ZNF334: variants seen among roughly 807,000 people sequenced by gnomAD.
ZNF334 encodes the protein zinc finger protein 334.
Under a neutral mutation model 12.4 loss-of-function variants are expected in ZNF334, and 14 were observed. The observed-to-expected ratio is 1.13, with a 90% CI of 0.74 to 1.76. The LOEUF (loss-of-function observed/expected upper bound fraction) is 1.76, where lower values mean the gene tolerates loss of function less well. Ranked by LOEUF, ZNF334 falls within the 40% of genes most tolerant of loss-of-function variation. The pLI, the probability that ZNF334 is intolerant of heterozygous loss-of-function variation, is 0.00. For synonymous variants in ZNF334, 273 were observed against 269.6 expected (o/e 1.01, Z -0.12); for missense variants, 797 against 804.5 (o/e 0.99, Z 0.11).
At chr20:46,472,705 G>A in the ZNF334 span, among the ~76,000 whole-genome samples, 2 of 152,212 alleles carry the variant, frequency 1.3e-5, no homozygotes, top group Admixed American at 6.5e-5. Flanking sequence ...ATAAGGAAGA[G>A]TGAAGATTTA....
the ZNF334 span, among the ~76,000 whole-genome samples, chr20:46,488,872 T>C: frequency 6.6e-6 from 1 of 151,746 alleles, no homozygotes; most frequent in African/African-American, 2.4e-5. Context: ...GTGTTTCCAG[T>C]GAGAAATCTG....
Position 46,501,863 on chromosome 20 carries a change from A to G in ZNF334, c.1476T>C (p.Asn492=), listed in dbSNP as rs776429738. 6.2e-7 allele frequency: 1 copy of G among 1,613,706 alleles called. No individual in the cohort carries two copies. Among genetic ancestry groups the G allele is most frequent in the South Asian group, 1.1e-5 (1 of 91,068 alleles). ...THTGEKHGVF[N]KCGRISIVKS... is the part of the protein sequence containing the mutation. ...TCACAATGGAGATTCTACCACATTT[A>G]TTAAACACACCATGTTTCTCTCCTG... Residue 492 remains asparagine (N), a synonymous_variant, in exon 5 of 5, where the codon AAT becomes AAC. Coordinates refer to ENST00000692313, the MANE Select transcript of ZNF334 (RefSeq NM_001353824.2).
chr20:46,482,679 A>G, the ZNF334 span, among the ~76,000 whole-genome samples: 1 of 152,302 alleles, frequency 6.6e-6, no homozygotes, highest in South Asian at 2.1e-4. Flanking sequence ...AAAAAGATCT[A>G]TTGTGTATAG....
At chr20:46,497,483 C>T (rs1210419919), downstream of ZNF334, among the ~76,000 whole-genome samples, 1 of 152,136 alleles carries the variant, frequency 6.6e-6, no homozygotes, top group Non-Finnish European at 1.5e-5. Flanking sequence ...AAATTAGACT[C>T]CAGGTGAACA....
In ZNF334 at chr20:46,500,775, G is replaced by A. The variant is rs547565214; in HGVS notation, c.*521C>T. The A allele has an allele frequency of 5.6e-5, 9 of 159,776 alleles. No homozygotes were observed. The highest frequency in any genetic ancestry group is 5.2e-4 in the Admixed American group (9 of 17,196). The allele number at this position is 159,776 out of a possible 1,614,324, so 9.9% of individuals were successfully genotyped here. On this transcript the variant is annotated 3_prime_UTR_variant, in exon 5 of 5. Coordinates refer to ENST00000692313, the MANE Select transcript of ZNF334 (RefSeq NM_001353824.2). ...ATGGGTGCATAGAGTACAATGGTTA[G>A]TTCTCCTGAGTTGTCACCTTTGCAG...
In ZNF334 at chr20:46,501,395, T is replaced by C. The variant is rs758160437; in HGVS notation, c.1944A>G (p.Lys648=). Residue 648 remains lysine, a synonymous_variant, in exon 5 of 5, where the codon AAA becomes AAG. Coordinates refer to ENST00000692313, the MANE Select transcript of ZNF334 (RefSeq NM_001353824.2). ...CATAAGGTTTCTCTCCTGTGTGTAT[T>C]TTCTGATGTTCAGTGAGAGTCCACA... ...RRLWTLTEHQ[K]IHTGEKPYEC... 3 of 1,614,182 alleles carry C rather than the reference T, an allele frequency of 1.9e-6. No homozygotes were observed. In the South Asian group the frequency reaches 3.3e-5, roughly 18 times the overall value.
the ZNF334 span, chr20:46,465,217 G>A: frequency 3.1e-5 from 6 of 192,846 alleles, no homozygotes; most frequent in Admixed American, 2.4e-4. Flanking sequence ...AGCTGCTGCT[G>A]CAGGTCCTGC....
chr20:46,485,020 C>T, the ZNF334 span: 1 of 167,166 alleles, frequency 6.0e-6, no homozygotes, highest in African/African-American at 2.4e-5. Flanking sequence ...TTATAAGGCA[C>T]ACGTGATGTC....
the ZNF334 span, chr20:46,464,214 C>G: frequency 1.9e-6 from 1 of 529,158 alleles, no homozygotes; most frequent in East Asian, 4.7e-5. Flanking sequence ...CATCAAAATC[C>G]CTGCACGCCT....
chr20:46,511,872 G>A (rs1490754800), intron 2 of ZNF334, among the ~76,000 whole-genome samples: 1 of 152,110 alleles, frequency 6.6e-6, no homozygotes, highest in Non-Finnish European at 1.5e-5. Flanking sequence ...CCAGTGTAAG[G>A]GCTATCTCAT....
downstream of ZNF334, among the ~76,000 whole-genome samples, chr20:46,497,360 A>C (rs1210490230): frequency 6.6e-6 from 1 of 152,214 alleles, no homozygotes; most frequent in Non-Finnish European, 1.5e-5. Flanking sequence ...TTAGCTGGAG[A>C]TTTTCTAACC....
chr20:46,512,300 A>AG (rs2061681556), intron 1 of ZNF334, among the ~76,000 whole-genome samples, 160 bp from the exon 2 acceptor site: 1 of 152,246 alleles, frequency 6.6e-6, no homozygotes, highest in African/African-American at 2.4e-5. Context: ...GTCCATTTAT[A>AG]GTTCTAGAAT....
At chr20:46,504,579 T>C (rs1419347521) in intron 3 of ZNF334, 35 bp downstream of exon 3, 3 of 1,554,458 alleles carry the variant, frequency 1.9e-6, no homozygotes, top group South Asian at 1.2e-5. Context: ...AAGAAATGTA[T>C]GCTCTTGGGA....
the ZNF334 span, among the ~76,000 whole-genome samples, chr20:46,489,122 G>A: frequency 6.6e-6 from 1 of 150,812 alleles, no homozygotes; most frequent in African/African-American, 2.4e-5. Context: ...CCCTGCCCCC[G>A]ACCCCCTTCC....
chr20:46,469,051 C>A, the ZNF334 span, among the ~76,000 whole-genome samples: 1 of 152,252 alleles, frequency 6.6e-6, no homozygotes, highest in African/African-American at 2.4e-5. Context: ...TAGAGAAGAT[C>A]AACTTAAATG....
At chr20:46,471,620 A>G in the ZNF334 span, among the ~76,000 whole-genome samples, 16 of 151,770 alleles carry the variant, frequency 1.1e-4, no homozygotes, top group Non-Finnish European at 2.1e-4. Context: ...CATGGGATTT[A>G]TTTAAGTATA....
chr20:46,509,138 T>G (rs186660271), intron 2 of ZNF334, among the ~76,000 whole-genome samples: 420 of 152,350 alleles, frequency 2.8e-3, no homozygotes, highest in African/African-American at 9.6e-3. Context: ...TAGTTTTATC[T>G]GGGCAAGTCT....
chr20:46,495,065 CAG>C (rs1223862973), downstream of ZNF334, among the ~76,000 whole-genome samples: 1 of 152,046 alleles, frequency 6.6e-6, no homozygotes, highest in African/African-American at 2.4e-5. Flanking sequence ...AATCACATAA[CAG>C]TTCTATTGTT....
In ZNF334 at chr20:46,504,243, A is replaced by T; in HGVS notation, c.212T>A (p.Val71Glu). Reference protein sequence around the residue: ...KLEQGEEPWIVEEFSNQNYPD... With the variant: ...KLEQGEEPWIEEEFSNQNYPD... ...GTAGTTCTGATTTGAGAATTCCTCCACTATCCATGGCTCTTCTCCTTGCTC... is the reference window on the plus strand; with the variant it reads ...GTAGTTCTGATTTGAGAATTCCTCCTCTATCCATGGCTCTTCTCCTTGCTC... Residue 71 changes from valine (V) to glutamate (E), a missense_variant, in exon 4 of 5, where the codon GTG (valine) becomes GAG (glutamate). Val to Glu is a moderately radical substitution (Grantham distance 121). Transcript: ENST00000692313. 6.2e-7 allele frequency: 1 copy of T among 1,612,762 alleles called. No homozygotes were observed. Among genetic ancestry groups the T allele is most frequent in the Non-Finnish European group, 8.5e-7 (1 of 1,179,306 alleles).
Sources: allele counts gnomAD v4.1 joint callset (sites outside exome capture counted in the v4.1 genomes callset), GRCh38; gene constraint gnomAD v4.1.1; transcripts MANE v1.5; gene names NCBI Gene and HGNC (gene_info 2026-07-23, HGNC 2026-07-21).